Variants in CACHD1 observed in about 807,000 individuals in gnomAD.
CACHD1 encodes the protein cache domain containing 1.
CACHD1 carries 71 observed loss-of-function variants against 138.7 expected under a neutral mutation model. The observed-to-expected ratio is 0.51, with a 90% CI of 0.42 to 0.62. The LOEUF is 0.62. CACHD1 is among the 20% of genes least tolerant of loss of function. The probability of loss-of-function intolerance (pLI) is 0.00; values close to 1 mark genes in which losing one functional copy is unlikely to be tolerated. For synonymous variants in CACHD1, 578 were observed against 591.5 expected (o/e 0.98, Z 0.33); for missense variants, 1,389 against 1,625.3 (o/e 0.85, Z 2.50).
At chr1:64,566,408 A>AG in intron 2 of CACHD1, among the ~76,000 whole-genome samples, 1 of 148,056 alleles carries the variant, frequency 6.8e-6, no homozygotes, top group Middle Eastern at 3.8e-3. Context: ...GGGTCACCCA[A>AG]GTAGGGGGTT....
In CACHD1 at chr1:64,580,456, A is replaced by G. The variant is rs114351777; in HGVS notation, c.262-1700A>G. 1.5e-3 allele frequency among the ~76,000 whole-genome samples: 225 copies of G among 152,300 alleles called. 1 individual carries two copies. Among genetic ancestry groups the G allele is most frequent in the African/African-American group, 4.9e-3 (205 of 41,566 alleles). On this transcript the variant is annotated intron_variant, in intron 2 of 26. Transcript: ENST00000651257. ...CCCCCGAACCTAAAATAAAAATTGG[A>G]AAAGAAAAAATAAATTGGTCAGAAT...
At chr1:64,629,310 A>C (rs769543489) in intron 4 of CACHD1, 45 bp from the exon 5 acceptor site, 3 of 1,604,612 alleles carry the variant, frequency 1.9e-6, no homozygotes, top group Admixed American at 3.4e-5. Context: ...GCCTGCATGC[A>C]CCTGTGGATT....
At chr1:64,576,815 C>T (rs752028294) in intron 2 of CACHD1, among the ~76,000 whole-genome samples, 1 of 152,132 alleles carries the variant, frequency 6.6e-6, no homozygotes, top group Non-Finnish European at 1.5e-5. Context: ...CCAACAAAAA[C>T]CCCTTGAGTA....
chr1:64,671,646 C>T lies in CACHD1; in HGVS notation c.2470C>T (p.Leu824=), dbSNP rs1649821770. The stretch of plus-strand genomic sequence containing the variant: ...ATACTTCTACAAAGTTCTGATGGAC[C>T]TATTACCTGTCTGTAACCAAGATGG... ...LRYFYKVLMD[L]LPVCNQDGGN... is the part of the protein sequence containing the mutation. The change falls in exon 17 of 27, where the codon CTA becomes TTA. Residue 824 remains leucine, a synonymous_variant. Transcript: ENST00000651257. 6.2e-7 allele frequency: 1 copy of T among 1,613,914 alleles called. No individual in the cohort carries two copies. Among genetic ancestry groups the T allele is most frequent in the South Asian group, 1.1e-5 (1 of 91,074 alleles).
Position 64,494,409 on chromosome 1 carries a change from A to C in CACHD1, c.198+23467A>C, listed in dbSNP as rs559235915. On this transcript the variant is annotated intron_variant, in intron 1 of 26. Transcript: ENST00000651257. ...TGCATTGGTAAATGTGGACAAATCA[A>C]GCTGTGTTAGTGACATATCTCCAGC... Among the ~76,000 whole-genome samples the C allele has an allele frequency of 6.6e-5, 10 of 152,302 alleles. No individual in the cohort carries two copies. In the East Asian group the frequency reaches 1.2e-3, roughly 18 times the overall value.
rs772539323 is a variant in CACHD1 at position 64,637,548 on chromosome 1, G to T, written c.1006+3288G>T. Among the ~76,000 whole-genome samples, 10 of 152,200 alleles carry T rather than the reference G, an allele frequency of 6.6e-5. 1 individual carries two copies. Among genetic ancestry groups the T allele is most frequent in the Non-Finnish European group, 1.3e-4 (9 of 68,038 alleles). On this transcript the variant is annotated intron_variant, in intron 7 of 26. Coordinates refer to ENST00000651257, the MANE Select transcript of CACHD1 (RefSeq NM_020925.4). The stretch of plus-strand genomic sequence containing the variant: ...ACAGACATTCCTGCACTGCACATGA[G>T]CAGGAGGCTGGTTTGATGAGAGGCA...
intron 13 of CACHD1, among the ~76,000 whole-genome samples, chr1:64,661,872 A>C (rs142169123): frequency 1.3e-5 from 2 of 152,226 alleles, no homozygotes; most frequent in African/African-American, 2.4e-5. Context: ...CAGACTAGGT[A>C]ATTCTAACCC....
In CACHD1 at chr1:64,531,909, G is replaced by A. The variant is rs116067304; in HGVS notation, c.199-18685G>A. Among the ~76,000 whole-genome samples the A allele has an allele frequency of 7.4e-3, 1,125 of 152,250 alleles. 7 individuals carry two copies. The highest frequency in any genetic ancestry group is 0.027 in the Middle Eastern group (8 of 294). Reference sequence around the variant, plus strand: ...ACGTATTAGAAGGTATCACTACACCGTATATTAAAATATGGCAAGCCACTA... The same window carrying A: ...ACGTATTAGAAGGTATCACTACACCATATATTAAAATATGGCAAGCCACTA... On this transcript the variant is annotated intron_variant, in intron 1 of 26. Transcript: ENST00000651257.
chr1:64,562,399 G>C (rs551231465), intron 2 of CACHD1, among the ~76,000 whole-genome samples: 50 of 135,266 alleles, frequency 3.7e-4, no homozygotes, highest in Admixed American at 1.4e-3. Flanking sequence ...TTCTTATGCT[G>C]CAGAATTTCC....
chr1:64,560,317 A>T (rs1646829206), intron 2 of CACHD1, among the ~76,000 whole-genome samples: 1 of 150,350 alleles, frequency 6.7e-6, no homozygotes, highest in Non-Finnish European at 1.5e-5. Context: ...TGATTTTTTT[A>T]CCTTTTTTTC....
At chr1:64,602,534 A>G (rs1313220881) in intron 3 of CACHD1, among the ~76,000 whole-genome samples, 1 of 116,526 alleles carries the variant, frequency 8.6e-6, no homozygotes, top group Non-Finnish European at 1.8e-5. Context: ...TGATTTTATC[A>G]GTAGTACTGA....
At chr1:64,591,486 G>A (rs1356326382) in intron 3 of CACHD1, among the ~76,000 whole-genome samples, 3 of 152,196 alleles carry the variant, frequency 2.0e-5, no homozygotes, top group Non-Finnish European at 4.4e-5. Context: ...ACTTTGTTCA[G>A]TAGGGTTTAG....
intron 1 of CACHD1, among the ~76,000 whole-genome samples, chr1:64,548,489 A>G (rs1646734222): frequency 6.6e-6 from 1 of 152,188 alleles, no homozygotes. Context: ...AATGACATTG[A>G]CCAGGCCTCT....
At chr1:64,478,982 A>G (rs1390273812) in intron 1 of CACHD1, among the ~76,000 whole-genome samples, 1 of 152,170 alleles carries the variant, frequency 6.6e-6, no homozygotes, top group Non-Finnish European at 1.5e-5. Context: ...GTTTAAAAAA[A>G]AAAAAAAAGA....
chr1:64,643,458 A>G (rs1316351389), intron 8 of CACHD1, among the ~76,000 whole-genome samples: 1 of 152,198 alleles, frequency 6.6e-6, no homozygotes, highest in African/African-American at 2.4e-5. Flanking sequence ...AAAAATAGTA[A>G]AATCTACTGC....
At chr1:64,486,375 CACACACACACACACACATACACAT>C (rs1335036572) in intron 1 of CACHD1, among the ~76,000 whole-genome samples, 1 of 150,552 alleles carries the variant, frequency 6.6e-6, no homozygotes, top group Non-Finnish European at 1.5e-5. Flanking sequence ...CACATACACA[CACACACACACACACACATACACAT>C]ACACACACAC....
intron 1 of CACHD1, among the ~76,000 whole-genome samples, chr1:64,535,743 A>G (rs1178161472): frequency 2.0e-5 from 3 of 152,120 alleles, no homozygotes; most frequent in African/African-American, 7.2e-5. Context: ...TTTTAAAGCA[A>G]TGTTTAGTAG....
intron 2 of CACHD1, among the ~76,000 whole-genome samples, chr1:64,553,746 AT>A (rs1403511923): frequency 9.2e-5 from 14 of 152,100 alleles, no homozygotes; most frequent in African/African-American, 2.9e-4. Context: ...CCTTATCCTA[AT>A]TTTTTGTTAG....
intron 1 of CACHD1, among the ~76,000 whole-genome samples, chr1:64,505,477 C>A (rs894539450): frequency 4.7e-4 from 71 of 152,084 alleles, no homozygotes; most frequent in African/African-American, 1.7e-3. Context: ...AGGCCCTCAG[C>A]TCAGGAGCCT....
Sources: allele counts gnomAD v4.1 joint callset (sites outside exome capture counted in the v4.1 genomes callset), GRCh38; gene constraint gnomAD v4.1.1; transcripts MANE v1.5; gene names NCBI Gene and HGNC (gene_info 2026-07-23, HGNC 2026-07-21).